Variants in OR10G4 observed in about 807,000 individuals in gnomAD.
The protein encoded by OR10G4 is olfactory receptor family 10 subfamily G member 4, also known as olfactory receptor 10G4.
For synonymous variants in OR10G4, 130 were observed against 159.3 expected, an observed-to-expected ratio of 0.82 and a Z score of 1.39; for missense variants, 318 against 388.8, an observed-to-expected ratio of 0.82 and a Z score of 1.53.
Position 124,015,414 on chromosome 11 carries a change from G to A in OR10G4, c.-27-134G>A, listed in dbSNP as rs1864006240. 4.8e-6 allele frequency: 4 copies of A among 833,578 alleles called. No homozygotes were observed. In the African/African-American group the frequency reaches 5.2e-5, roughly 11 times the overall value. The allele number at this position is 833,578 out of a possible 1,614,324, so 51.6% of individuals were successfully genotyped here. ...GAAATAATTTCATCATCATCTCTGTGAGGGAAGCTTTGTAACAAGCGAAGT... is the reference window on the plus strand; with the variant it reads ...GAAATAATTTCATCATCATCTCTGTAAGGGAAGCTTTGTAACAAGCGAAGT... On this transcript the variant is annotated intron_variant, in intron 1 of 1. Transcript: ENST00000641722.
chr11:124,014,327 T>C (rs929730460), intron 1 of OR10G4, among the ~76,000 whole-genome samples: 2 of 152,166 alleles, frequency 1.3e-5, no homozygotes, highest in African/African-American at 4.8e-5. Flanking sequence ...TCAGAGAATA[T>C]ATGAACTCTA....
At chr11:124,013,749 A>C (rs190320433) in intron 1 of OR10G4, among the ~76,000 whole-genome samples, 232 of 152,344 alleles carry the variant, frequency 1.5e-3, no homozygotes, top group African/African-American at 5.2e-3. Context: ...CTGAATACCA[A>C]TTGTACAGAA....
chr11:124,013,786 A>G (rs1863989695), intron 1 of OR10G4, among the ~76,000 whole-genome samples: 1 of 152,208 alleles, frequency 6.6e-6, no homozygotes, highest in Non-Finnish European at 1.5e-5. Context: ...CATCACGCCA[A>G]TATATATCCT....
Position 124,015,757 on chromosome 11 carries a change from C to T in OR10G4, c.183C>T (p.Leu61=), listed in dbSNP as rs771053162. 1.2e-6 allele frequency: 2 copies of T among 1,605,404 alleles called. No homozygotes were observed. Among genetic ancestry groups the T allele is most frequent in the African/African-American group, 1.3e-5 (1 of 74,944 alleles). The change falls in exon 2 of 2, where the codon CTC becomes CTT. Residue 61 remains leucine (L), a synonymous_variant. Transcript: ENST00000641722. The part of the protein sequence containing the change: ...SHLHTPMYYF[L]TNLSFIDMWF... Reference sequence around the variant, plus strand: ...TCCACACCCCCATGTACTACTTCCTCACCAACCTGTCCTTCATTGACATGT... The same window carrying T: ...TCCACACCCCCATGTACTACTTCCTTACCAACCTGTCCTTCATTGACATGT...
rs755831838 is a variant in OR10G4 at position 124,015,566 on chromosome 11, T to C, written c.-9T>C. 6.2e-7 allele frequency: 1 copy of C among 1,607,568 alleles called. No homozygotes were observed. Among genetic ancestry groups the C allele is most frequent in the Non-Finnish European group, 8.5e-7 (1 of 1,175,840 alleles). ...TCCCCAGAGGGAGAGAGACCAAGGG[T>C]GAGAAGAAATGTCCAACGCCAGCCT... On this transcript the variant is annotated 5_prime_UTR_variant, in exon 2 of 2. Transcript: ENST00000641722.
chr11:124,015,455 A>T, intron 1 of OR10G4, 93 bp from the exon 2 acceptor site: 1 of 1,216,894 alleles, frequency 8.2e-7, no homozygotes, highest in Non-Finnish European at 1.2e-6. Context: ...ATAACTCCAG[A>T]ATTATCTACC....
At position 124,017,326 on chromosome 11, in the gene OR10G4, A is replaced by C. The variant is rs1864029836; in HGVS notation, c.*816A>C. 6.6e-6 allele frequency: 1 copy of C among 152,202 alleles called. No individual in the cohort carries two copies. The allele number at this position is 152,202 out of a possible 1,614,324, so 9.4% of individuals were successfully genotyped here. A position where few individuals can be genotyped will look rare whatever the true frequency, so the allele number is the denominator to read the frequency against. Reference sequence around the variant, plus strand: ...GTTAAGATCCAATATAAAAAATTAAATCTCTTAAATATCTAGATTACTTGG... The same window carrying C: ...GTTAAGATCCAATATAAAAAATTAACTCTCTTAAATATCTAGATTACTTGG... On this transcript the variant is annotated 3_prime_UTR_variant, in exon 2 of 2. Transcript: ENST00000641722.
chr11:124,016,589 T>C lies in OR10G4; in HGVS notation c.*79T>C, dbSNP rs899186703. 6.0e-5 allele frequency: 56 copies of C among 930,318 alleles called. No individual in the cohort carries two copies. Among genetic ancestry groups the C allele is most frequent in the Non-Finnish European group, 7.7e-5 (48 of 626,906 alleles). The allele number at this position is 930,318 out of a possible 1,614,324, so 57.6% of individuals were successfully genotyped here. ...ATTCATGTGAAATTGATTATATGTA[T>C]AGTTCTCAGTGTTAAACTTTATTCC... On this transcript the variant is annotated 3_prime_UTR_variant, in exon 2 of 2. Coordinates refer to ENST00000641722, the MANE Select transcript of OR10G4 (RefSeq NM_001004462.2).
Position 124,018,654 on chromosome 11 carries a change from A to G in OR10G4, c.*2144A>G, listed in dbSNP as rs1864041193. 1 of 152,202 alleles carries G rather than the reference A, an allele frequency of 6.6e-6. No homozygotes were observed. The highest frequency in any genetic ancestry group is 1.5e-5 in the Non-Finnish European group (1 of 68,040). The allele number at this position is 152,202 out of a possible 1,614,324, so 9.4% of individuals were successfully genotyped here. A position where few individuals can be genotyped will look rare whatever the true frequency, so the allele number is the denominator to read the frequency against. On this transcript the variant is annotated 3_prime_UTR_variant, in exon 2 of 2. Transcript: ENST00000641722. ...CTTTGCTATTGTGAACAATGCTGCA[A>G]TAAACATACATGTGCATGTGTCTTT...
rs766281944 is a variant in OR10G4 at position 124,016,516 on chromosome 11, A to G, written c.*6A>G. 3 of 1,557,160 alleles carry G rather than the reference A, an allele frequency of 1.9e-6. No homozygotes were observed. Among genetic ancestry groups the G allele is most frequent in the East Asian group, 2.2e-5 (1 of 44,530 alleles). On this transcript the variant is annotated 3_prime_UTR_variant, in exon 2 of 2. Transcript: ENST00000641722. Reference sequence around the variant, plus strand: ...CACATCCTCAGAGGAAATAAATACTAGGAAGTAAATACACTAGTTTGTTTA... The same window carrying G: ...CACATCCTCAGAGGAAATAAATACTGGGAAGTAAATACACTAGTTTGTTTA...
Position 124,018,178 on chromosome 11 carries a change from AATT to A in OR10G4, c.*1670_*1672del, listed in dbSNP as rs1382734955. On this transcript the variant is annotated 3_prime_UTR_variant, in exon 2 of 2. Transcript: ENST00000641722. ...GTGATGCAAAACCTTCTTGGAAAAA[AATT>A]AATTAAAATACTTTTTTAAATTTAT... The A allele has an allele frequency of 6.6e-6, 1 of 152,204 alleles. No homozygotes were observed. The allele number at this position is 152,204 out of a possible 1,614,324, so 9.4% of individuals were successfully genotyped here.
rs1170831802 is a variant in OR10G4, at chr11:124,017,349, T to C, written c.*839T>C. 6.6e-6 allele frequency: 1 copy of C among 152,210 alleles called. No homozygotes were observed. The highest frequency in any genetic ancestry group is 1.5e-5 in the Non-Finnish European group (1 of 68,038). 9.4% of individuals were successfully genotyped at this position (152,210 alleles called of 1,614,324 possible). Reference sequence around the variant, plus strand: ...AAATCTCTTAAATATCTAGATTACTTGGGGCTGTTTTGTCTCCTAGTTCAC... The same window carrying C: ...AAATCTCTTAAATATCTAGATTACTCGGGGCTGTTTTGTCTCCTAGTTCAC... On this transcript the variant is annotated 3_prime_UTR_variant, in exon 2 of 2. Transcript: ENST00000641722.
intron 1 of OR10G4, among the ~76,000 whole-genome samples, chr11:124,013,647 T>C (rs1018708807): frequency 2.0e-5 from 3 of 152,184 alleles, no homozygotes; most frequent in African/African-American, 7.2e-5. Flanking sequence ...TCCATATCAG[T>C]GAATCAGTTT....
chr11:124,018,311 C>T lies in OR10G4; in HGVS notation c.*1801C>T, dbSNP rs1419106737. 3.9e-5 allele frequency: 6 copies of T among 152,182 alleles called. No individual in the cohort carries two copies. The highest frequency in any genetic ancestry group is 7.2e-5 in the African/African-American group (3 of 41,438). 9.4% of individuals were successfully genotyped at this position (152,182 alleles called of 1,614,324 possible). A position where few individuals can be genotyped will look rare whatever the true frequency, so the allele number is the denominator to read the frequency against. ...TGGTTTGCTGCACCCATCAACTCAT[C>T]GGTTACATTAGGTATTTCCCCTAAT... On this transcript the variant is annotated 3_prime_UTR_variant, in exon 2 of 2. Coordinates refer to ENST00000641722, the MANE Select transcript of OR10G4 (RefSeq NM_001004462.2).
At chr11:124,013,208 T>C (rs1205315599) in intron 1 of OR10G4, 96 bp downstream of exon 1, 15 of 152,214 alleles carry the variant, frequency 9.9e-5, no homozygotes, top group Non-Finnish European at 2.2e-4. Context: ...ATTCAGGAAT[T>C]ATTAGAATGT....
intron 1 of OR10G4, among the ~76,000 whole-genome samples, chr11:124,013,613 TA>T (rs1250078279): frequency 1.3e-5 from 2 of 152,232 alleles, no homozygotes; most frequent in Admixed American, 1.3e-4. Flanking sequence ...CTGGGTTCTG[TA>T]AACTGCAGAT....
rs973606845 is a variant in OR10G4 at position 124,016,999 on chromosome 11, A to G, written c.*489A>G. The G allele has an allele frequency of 6.6e-6, 1 of 152,660 alleles. No individual in the cohort carries two copies. The highest frequency in any genetic ancestry group is 1.5e-5 in the Non-Finnish European group (1 of 68,362). 9.5% of individuals were successfully genotyped at this position (152,660 alleles called of 1,614,324 possible). A position where few individuals can be genotyped will look rare whatever the true frequency, so the allele number is the denominator to read the frequency against. ...CTATATATTTGTATGTGTATATACT[A>G]TTCCAAACATGTATACAAAAGAAAG... is the stretch of plus-strand genomic sequence containing the variant. On this transcript the variant is annotated 3_prime_UTR_variant, in exon 2 of 2. Coordinates refer to ENST00000641722, the MANE Select transcript of OR10G4 (RefSeq NM_001004462.2).
At chr11:124,014,597 G>A (rs974030300) in intron 1 of OR10G4, among the ~76,000 whole-genome samples, 5 of 152,168 alleles carry the variant, frequency 3.3e-5, no homozygotes, top group Admixed American at 1.3e-4. Context: ...ATGCATGTAC[G>A]TATATATACA....
Position 124,016,228 on chromosome 11 carries a change from G to A in OR10G4, c.654G>A (p.Val218=), listed in dbSNP as rs773244162. 3.1e-6 allele frequency: 5 copies of A among 1,614,220 alleles called. No individual in the cohort carries two copies. In the Admixed American group the frequency reaches 8.3e-5, roughly 27 times the overall value. Residue 218 remains valine, a synonymous_variant, in exon 2 of 2, where the codon GTG becomes GTA. Transcript: ENST00000641722. ...TTGTCCTGATAGTGCTGTCCTATGT[G>A]TCCATCGTCTGTTCCATCCTGCGGA... ...GCFVLIVLSY[V]SIVCSILRIR... is the part of the protein sequence containing the mutation.
Sources: allele counts gnomAD v4.1 joint callset (sites outside exome capture counted in the v4.1 genomes callset), GRCh38; gene constraint gnomAD v4.1.1; transcripts MANE v1.5; gene names NCBI Gene and HGNC (gene_info 2026-07-23, HGNC 2026-07-21).